Variants in EIF4ENIF1 observed in about 807,000 individuals in gnomAD.
EIF4ENIF1 encodes eukaryotic translation initiation factor 4E nuclear import factor 1.
A neutral mutation model predicts 110.5 loss-of-function variants in EIF4ENIF1; 23 were observed. The ratio of observed to expected loss-of-function variants is 0.21; its 90% confidence interval spans 0.15 to 0.29. The LOEUF (loss-of-function observed/expected upper bound fraction) is 0.29. EIF4ENIF1 is among the 10% of genes least tolerant of loss of function. The pLI is 1.00. For synonymous variants in EIF4ENIF1, 440 were observed against 437.0 expected (o/e 1.01, Z -0.09); for missense variants, 1,031 against 1,221.1 (o/e 0.84, Z 2.32).
In EIF4ENIF1 at chr22:31,443,099, A is replaced by G. The variant is rs1296830522; in HGVS notation, c.2074-5T>C. The G allele has an allele frequency of 4.3e-6, 7 of 1,613,546 alleles. No individual in the cohort carries two copies. The highest frequency in any genetic ancestry group is 3.3e-5 in the Admixed American group (2 of 59,894). The stretch of plus-strand genomic sequence containing the variant: ...AGGGGTAAAGGAAGGAGAAAGCTGC[A>G]GAGAAAAACAATTGGCATTAGCACA... On this transcript the variant is annotated splice_polypyrimidine_tract_variant and splice_region_variant and intron_variant, in intron 15 of 18. Coordinates refer to ENST00000330125, the MANE Select transcript of EIF4ENIF1 (RefSeq NM_019843.4).
downstream of EIF4ENIF1, among the ~76,000 whole-genome samples, chr22:31,438,727 CT>C (rs796917982): frequency 1.8e-3 from 266 of 144,806 alleles, no homozygotes; most frequent in Middle Eastern, 0.011. Context: ...GTCCAATTAA[CT>C]TTTTTTTTTT....
At chr22:31,439,049 A>C (rs1351249475), downstream of EIF4ENIF1, among the ~76,000 whole-genome samples, 10 of 152,190 alleles carry the variant, frequency 6.6e-5, no homozygotes. Context: ...AACTTAACTT[A>C]CTTAAACTTC....
intron 6 of EIF4ENIF1, among the ~76,000 whole-genome samples, chr22:31,460,229 T>C (rs188001944): frequency 1.6e-4 from 25 of 152,360 alleles, no homozygotes; most frequent in Admixed American, 3.3e-4. Flanking sequence ...GATGAGTATT[T>C]TGATTCTCCA....
At chr22:31,483,648 T>C (rs990456884) in intron 2 of EIF4ENIF1, among the ~76,000 whole-genome samples, 3 of 152,128 alleles carry the variant, frequency 2.0e-5, no homozygotes, top group Admixed American at 6.6e-5. Flanking sequence ...AGATTTGTAT[T>C]TCTAACAAGT....
chr22:31,488,678 G>A lies in EIF4ENIF1; in HGVS notation c.41C>T (p.Ala14Val). The change falls in exon 2 of 19, where the codon GCT (alanine) becomes GTT (valine). Residue 14 changes from alanine to valine, a missense_variant. Ala to Val is a moderately conservative substitution (Grantham distance 64). Coordinates refer to ENST00000330125, the MANE Select transcript of EIF4ENIF1 (RefSeq NM_019843.4). ...AGGAGGCTTCTTCAGGTCAAGGAAA[G>A]CATCTCCACTTTCTGTTTCACCCAT... ...RSMGETESGD[A>V]FLDLKKPPAS... The A allele has an allele frequency of 6.2e-7, 1 of 1,614,072 alleles. No homozygotes were observed. The highest frequency in any genetic ancestry group is 8.5e-7 in the Non-Finnish European group (1 of 1,180,008).
At chr22:31,473,739 T>C (rs1029448911) in intron 2 of EIF4ENIF1, among the ~76,000 whole-genome samples, 3 of 152,250 alleles carry the variant, frequency 2.0e-5, no homozygotes, top group Non-Finnish European at 4.4e-5. Flanking sequence ...CCTTTATCTA[T>C]GGTGCTAATT....
chr22:31,441,550 G>GAAAGAAAAAAAAAAAAAAAAAAA (rs2050297684), intron 17 of EIF4ENIF1, among the ~76,000 whole-genome samples: 1 of 65,260 alleles, frequency 1.5e-5, no homozygotes, highest in African/African-American at 5.9e-5. Flanking sequence ...CTACAAAAAG[G>GAAAGAAAAAAAAAAAAAAAAAAA]AAAAAAAAAA....
At chr22:31,486,270 CA>C (rs374138027) in intron 2 of EIF4ENIF1, among the ~76,000 whole-genome samples, 128,748 of 146,720 alleles carry the variant, frequency 0.88, 56,245 homozygotes, top group East Asian at 0.98. Flanking sequence ...AACTCCGTCT[CA>C]AAAAAAAAAA....
At chr22:31,472,373 A>G (rs1384993146) in intron 2 of EIF4ENIF1, among the ~76,000 whole-genome samples, 1 of 151,914 alleles carries the variant, frequency 6.6e-6, no homozygotes, top group African/African-American at 2.4e-5. Context: ...GGTTCAAGCA[A>G]TTCTCTTGCT....
rs905625528 is a variant in EIF4ENIF1 at position 31,441,610 on chromosome 22, T to G, written c.2551+164A>C. Among the ~76,000 whole-genome samples the G allele has an allele frequency of 8.3e-5, 12 of 145,146 alleles. No individual in the cohort carries two copies. In the East Asian group the frequency reaches 2.3e-3, roughly 28 times the overall value. ...CTAGGTTCCTAATCTTTTAAAGGAC[T>G]AGGGGATTGACTGGATTGGGCCCAC... On this transcript the variant is annotated intron_variant, in intron 17 of 18. Coordinates refer to ENST00000330125, the MANE Select transcript of EIF4ENIF1 (RefSeq NM_019843.4).
chr22:31,482,165 C>CAA (rs34248099), intron 2 of EIF4ENIF1, among the ~76,000 whole-genome samples: 88 of 115,188 alleles, frequency 7.6e-4, no homozygotes, highest in Admixed American at 2.4e-3. Context: ...GAGCCTGTCT[C>CAA]AAAAAAAAAA....
At chr22:31,473,574 A>T (rs1306947907) in intron 2 of EIF4ENIF1, among the ~76,000 whole-genome samples, 1 of 152,146 alleles carries the variant, frequency 6.6e-6, no homozygotes, top group Non-Finnish European at 1.5e-5. Context: ...TAGAAAATAT[A>T]GTCCCTTTCT....
Position 31,448,160 on chromosome 22 carries a change from G to C in EIF4ENIF1, c.1841C>G (p.Thr614Arg). 2 of 1,614,220 alleles carry C rather than the reference G, an allele frequency of 1.2e-6. No homozygotes were observed. Among genetic ancestry groups the C allele is most frequent in the South Asian group, 2.2e-5 (2 of 91,078 alleles). The change falls in exon 13 of 19, where the codon ACA becomes AGA. Residue 614 changes from threonine to arginine, a missense_variant. Physicochemically the swap from Thr to Arg is moderately conservative, Grantham distance 71. Transcript: ENST00000330125. Reference sequence around the variant, plus strand: ...GAGAAAGCTCAGCCTGACCTGGGCTGTGATGGGGCTCATGGGTTTGCGCAT... The same window carrying C: ...GAGAAAGCTCAGCCTGACCTGGGCTCTGATGGGGCTCATGGGTTTGCGCAT... ...QGMRKPMSPI[T>R]AQMSQLELQQ...
At chr22:31,438,713 T>TA (rs1157321354), downstream of EIF4ENIF1, among the ~76,000 whole-genome samples, 6 of 152,096 alleles carry the variant, frequency 3.9e-5, no homozygotes, top group Admixed American at 1.3e-4. Context: ...TAAATCAAGA[T>TA]AGAGTCCAAT....
At chr22:31,459,094 A>G (rs1023285367) in intron 6 of EIF4ENIF1, among the ~76,000 whole-genome samples, 3 of 151,768 alleles carry the variant, frequency 2.0e-5, no homozygotes, top group African/African-American at 4.8e-5. Flanking sequence ...TGCCTGGATA[A>G]TTTTTTAATT....
rs1194981384 is a variant in EIF4ENIF1, at chr22:31,454,360, C to T, written c.1296G>A (p.Val432=). Residue 432 remains valine, a synonymous_variant, in exon 10 of 19, where the codon GTG becomes GTA. Coordinates refer to ENST00000330125, the MANE Select transcript of EIF4ENIF1 (RefSeq NM_019843.4). ...CTGCTTCTACCTCCTCCACTGAAAG[C>T]ACAACCCCTGAATGTGCTGAGAAGT... The part of the protein sequence containing the change: ...KLKESSHSGV[V]LSVEEVEAGL... The T allele has an allele frequency of 3.1e-6, 5 of 1,613,988 alleles. No individual in the cohort carries two copies. Among genetic ancestry groups the T allele is most frequent in the Admixed American group, 1.7e-5 (1 of 59,984 alleles).
chr22:31,448,139 A>C lies in EIF4ENIF1; in HGVS notation c.1848+14T>G. 6.2e-7 allele frequency: 1 copy of C among 1,613,962 alleles called. No homozygotes were observed. The highest frequency in any genetic ancestry group is 8.5e-7 in the Non-Finnish European group (1 of 1,179,860). On this transcript the variant is annotated intron_variant, in intron 13 of 18. Coordinates refer to ENST00000330125, the MANE Select transcript of EIF4ENIF1 (RefSeq NM_019843.4). The stretch of plus-strand genomic sequence containing the variant: ...GGCAAGCAAGAGATTGAGTTTGAGA[A>C]AGCTCAGCCTGACCTGGGCTGTGAT...
upstream of EIF4ENIF1, among the ~76,000 whole-genome samples, chr22:31,492,221 T>A (rs1213802727): frequency 1.3e-5 from 2 of 152,174 alleles, no homozygotes; most frequent in Non-Finnish European, 2.9e-5. Context: ...AGTTGCTGTA[T>A]TGCCTTTCCT....
chr22:31,464,675 C>CAAAAAAAAAAAAAAAAAAAAA (rs770904708), intron 4 of EIF4ENIF1, among the ~76,000 whole-genome samples: 1 of 30,918 alleles, frequency 3.2e-5, no homozygotes, highest in Non-Finnish European at 5.1e-5. Context: ...GATTCAGTCT[C>CAAAAAAAAAAAAAAAAAAAAA]AAAAAAAAAA....
Sources: allele counts gnomAD v4.1 joint callset (sites outside exome capture counted in the v4.1 genomes callset), GRCh38; gene constraint gnomAD v4.1.1; transcripts MANE v1.5; gene names NCBI Gene and HGNC (gene_info 2026-07-23, HGNC 2026-07-21).